Variants in FMN1 observed in about 807,000 individuals in gnomAD.
FMN1 encodes the protein formin 1.
A neutral mutation model predicts 132.4 loss-of-function variants in FMN1; 110 were observed. That is an observed-to-expected ratio of 0.83 (90% confidence interval 0.71 to 0.97). FMN1 has a LOEUF of 0.97. Among genes scored for constraint, FMN1 ranks in the 50% least tolerant of loss-of-function variants. FMN1 has a pLI of 0.00. For missense variants in FMN1, 1,792 were observed against 1,705.3 expected (o/e 1.05, Z -0.90); for synonymous variants, 722 against 651.7 (o/e 1.11, Z -1.64).
At chr15:32,964,350 ATT>A (rs1199644981) in intron 8 of FMN1, 93 bp from the exon 9 acceptor site, 1 of 935,954 alleles carries the variant, frequency 1.1e-6, no homozygotes, top group African/African-American at 1.6e-5. Flanking sequence ...TTTTAATTTC[ATT>A]TTTCTAAAAA....
rs946493696 is a variant in FMN1, at chr15:33,124,310, G to T, written c.1867+28738C>A. 2.0e-5 allele frequency among the ~76,000 whole-genome samples: 3 copies of T among 152,220 alleles called. No homozygotes were observed. The South Asian group carries it at 6.2e-4, about 32-fold the overall frequency. ...AAGTTCTGAGACATAAAAGTGAGAA[G>T]GGGGTCTGGTCAGCGTCTTGCTGTG... On this transcript the variant is annotated intron_variant, in intron 4 of 20. Transcript: ENST00000616417.
intron 3 of FMN1, among the ~76,000 whole-genome samples, chr15:33,165,510 C>T (rs1411127475): frequency 5.3e-5 from 8 of 152,310 alleles, no homozygotes; most frequent in African/African-American, 1.2e-4. Flanking sequence ...CTTGCCTCAG[C>T]CTCCCGAGTA....
intron 9 of FMN1, among the ~76,000 whole-genome samples, chr15:32,940,429 GTGTC>G (rs2061377133): frequency 6.9e-6 from 1 of 145,802 alleles, no homozygotes; most frequent in African/African-American, 2.6e-5. Context: ...GTGTGTGTGT[GTGTC>G]TGTTCAATGG....
At chr15:32,793,499 T>G (rs2057165380) in intron 19 of FMN1, among the ~76,000 whole-genome samples, 1 of 152,202 alleles carries the variant, frequency 6.6e-6, no homozygotes, top group Non-Finnish European at 1.5e-5. Context: ...CAGGCTGATC[T>G]TGAACGCCTG....
chr15:32,840,021 T>C (rs1230441660), intron 17 of FMN1, among the ~76,000 whole-genome samples: 1 of 152,164 alleles, frequency 6.6e-6, no homozygotes, highest in Non-Finnish European at 1.5e-5. Flanking sequence ...CATAAGAAAC[T>C]AGCGTTGAAC....
intron 6 of FMN1, among the ~76,000 whole-genome samples, chr15:33,036,267 T>C (rs2036187779): frequency 6.6e-6 from 1 of 152,132 alleles, no homozygotes; most frequent in Non-Finnish European, 1.5e-5. Context: ...GAGAGCCTGG[T>C]GTGTAGGAGA....
At position 32,835,171 on chromosome 15, in the gene FMN1, G is replaced by A. The variant is rs529812602; in HGVS notation, c.3928+21844C>T. On this transcript the variant is annotated intron_variant, in intron 17 of 20. Transcript: ENST00000616417. The stretch of plus-strand genomic sequence containing the variant: ...GGAGGAGAGGGCAGGACACAGGGAT[G>A]TCACCCAGCCTAGCTGGGATACGTG... Among the ~76,000 whole-genome samples, 39 of 152,282 alleles carry A rather than the reference G, an allele frequency of 2.6e-4. No individual in the cohort carries two copies. The South Asian group carries it at 7.9e-3, about 31-fold the overall frequency.
intron 4 of FMN1, among the ~76,000 whole-genome samples, chr15:33,132,986 G>A (rs1353460498): frequency 2.0e-5 from 3 of 152,270 alleles, no homozygotes; most frequent in East Asian, 3.9e-4. Context: ...GAACAGAAAG[G>A]AATGCCTAAT....
At chr15:32,908,635 C>T (rs894208626) in intron 11 of FMN1, 57 bp from the exon 12 acceptor site, 4 of 1,068,028 alleles carry the variant, frequency 3.7e-6, no homozygotes, top group African/African-American at 1.7e-5. Context: ...GGAAGTGAGA[C>T]TCTGGCTATG....
At chr15:32,921,681 T>TC (rs1432957073) in intron 10 of FMN1, among the ~76,000 whole-genome samples, 1 of 132,476 alleles carries the variant, frequency 7.5e-6, no homozygotes. Context: ...TTTTTTTTCT[T>TC]TTTTTTTTTT....
chr15:32,965,051 A>G (rs2031066195), intron 8 of FMN1, among the ~76,000 whole-genome samples: 2 of 152,190 alleles, frequency 1.3e-5, no homozygotes, highest in African/African-American at 4.8e-5. Context: ...GGGTTCCCTC[A>G]GTCAGAACAC....
chr15:33,081,199 G>T (rs1390087043), intron 5 of FMN1, among the ~76,000 whole-genome samples: 3 of 152,142 alleles, frequency 2.0e-5, no homozygotes, highest in South Asian at 2.1e-4. Flanking sequence ...GCTAGCTTTG[G>T]TTTACAGTAC....
intron 6 of FMN1, among the ~76,000 whole-genome samples, chr15:33,035,155 A>G (rs2036130254): frequency 6.6e-6 from 1 of 152,192 alleles, no homozygotes; most frequent in African/African-American, 2.4e-5. Flanking sequence ...TTATTATCAC[A>G]TTAAATAACA....
At chr15:33,018,288 T>C (rs540145821) in intron 6 of FMN1, among the ~76,000 whole-genome samples, 1 of 152,086 alleles carries the variant, frequency 6.6e-6, no homozygotes, top group Non-Finnish European at 1.5e-5. Context: ...TTTTTAATCT[T>C]AATGATCGAC....
At chr15:32,810,071 C>G (rs1216399898) in intron 17 of FMN1, among the ~76,000 whole-genome samples, 1 of 152,134 alleles carries the variant, frequency 6.6e-6, no homozygotes, top group Non-Finnish European at 1.5e-5. Flanking sequence ...AGGCACGCAC[C>G]ATGGCTGGCT....
intron 4 of FMN1, among the ~76,000 whole-genome samples, chr15:33,099,021 C>G (rs2039191454): frequency 6.6e-6 from 1 of 152,164 alleles, no homozygotes; most frequent in South Asian, 2.1e-4. Context: ...AATCCTAACA[C>G]TTTGGGAAGC....
intron 17 of FMN1, among the ~76,000 whole-genome samples, chr15:32,830,789 C>T (rs536945236): frequency 1.4e-4 from 22 of 152,104 alleles, no homozygotes; most frequent in Non-Finnish European, 2.5e-4. Context: ...CATGTGAACT[C>T]ACATATGAAG....
intron 16 of FMN1, among the ~76,000 whole-genome samples, chr15:32,882,596 G>A (rs1288333717): frequency 3.3e-5 from 5 of 152,124 alleles, no homozygotes; most frequent in South Asian, 2.1e-4. Context: ...CTGACTTCTA[G>A]TTGACTTTAT....
At chr15:33,170,820 A>G (rs934835555) in intron 3 of FMN1, among the ~76,000 whole-genome samples, 1 of 152,156 alleles carries the variant, frequency 6.6e-6, no homozygotes, top group African/African-American at 2.4e-5. Context: ...TTATGGATGA[A>G]GATATCTCAA....
Sources: allele counts gnomAD v4.1 joint callset (sites outside exome capture counted in the v4.1 genomes callset), GRCh38; gene constraint gnomAD v4.1.1; transcripts MANE v1.5; gene names NCBI Gene and HGNC (gene_info 2026-07-23, HGNC 2026-07-21).